Variants in RAD52 observed in about 807,000 individuals in gnomAD.
RAD52 encodes RAD52 DNA repair protein.
In RAD52, 47 loss-of-function variants were observed where a neutral mutation model predicts 55.5. The observed-to-expected ratio is 0.85, with a 90% CI of 0.67 to 1.08. The LOEUF is 1.08. RAD52 is among the 50% of genes least tolerant of loss of function. RAD52 has a pLI of 0.00. For synonymous variants in RAD52, 184 were observed against 198.9 expected (o/e 0.92, Z 0.63); for missense variants, 468 against 522.8 (o/e 0.90, Z 1.02).
chr12:953,852 CAT>C (rs1958568620), upstream of RAD52, among the ~76,000 whole-genome samples: 1 of 152,308 alleles, frequency 6.6e-6, no homozygotes, highest in Middle Eastern at 3.4e-3. Flanking sequence ...CATATTCCTA[CAT>C]GTTCCTTTAT....
At chr12:932,350 C>A (rs1272472072) in intron 2 of RAD52, among the ~76,000 whole-genome samples, 1 of 152,166 alleles carries the variant, frequency 6.6e-6, no homozygotes, top group Non-Finnish European at 1.5e-5. Flanking sequence ...TAAAAATTAG[C>A]TGGCCATGGT....
intron 1 of RAD52, among the ~76,000 whole-genome samples, chr12:937,428 T>A (rs1201660204): frequency 1.4e-5 from 2 of 145,868 alleles, no homozygotes; most frequent in African/African-American, 5.0e-5. Flanking sequence ...TCCCTTCAGC[T>A]TTTTTTTTTT....
At chr12:990,885 T>G (rs947591600), upstream of RAD52, among the ~76,000 whole-genome samples, 1 of 151,802 alleles carries the variant, frequency 6.6e-6, no homozygotes, top group Non-Finnish European at 1.5e-5. Context: ...AGCGCCACCC[T>G]GCGCTCGCGG....
chr12:962,627 G>GT (rs1555181549), intron 1 of RAD52, among the ~76,000 whole-genome samples: 2 of 151,944 alleles, frequency 1.3e-5, no homozygotes, highest in Non-Finnish European at 1.5e-5. Flanking sequence ...GATTACAGGC[G>GT]TGAGCCACTG....
intron 1 of RAD52, among the ~76,000 whole-genome samples, chr12:946,120 G>A (rs1281768328): frequency 6.6e-6 from 1 of 152,068 alleles, no homozygotes; most frequent in Non-Finnish European, 1.5e-5. Context: ...GAACTGCGGG[G>A]CCATACACTA....
intron 1 of RAD52, among the ~76,000 whole-genome samples, chr12:979,669 C>T (rs1214052954): frequency 6.6e-6 from 1 of 152,260 alleles, no homozygotes; most frequent in East Asian, 1.9e-4. Flanking sequence ...AAATTTCCAG[C>T]ACCTTGATCT....
At chr12:934,455 C>A in intron 1 of RAD52, among the ~76,000 whole-genome samples, 3 of 30,952 alleles carry the variant, frequency 9.7e-5, no homozygotes. Flanking sequence ...AGTGAGACTC[C>A]ATCTCAAAAA....
intron 1 of RAD52, among the ~76,000 whole-genome samples, chr12:945,583 G>A (rs1162869008): frequency 6.6e-6 from 1 of 150,962 alleles, no homozygotes; most frequent in Non-Finnish European, 1.5e-5. Context: ...ACAGGCATGC[G>A]CGACCACACC....
At chr12:966,989 T>C (rs555416115) in intron 1 of RAD52, among the ~76,000 whole-genome samples, 1 of 152,216 alleles carries the variant, frequency 6.6e-6, no homozygotes, top group East Asian at 1.9e-4. Context: ...AACTGAGTTC[T>C]GTGTGGGTGG....
chr12:971,829 G>A (rs1362206998), intron 1 of RAD52, among the ~76,000 whole-genome samples: 2 of 151,186 alleles, frequency 1.3e-5, no homozygotes, highest in East Asian at 1.9e-4. Context: ...CTCACTGCAG[G>A]CTCCGCCCCC....
At chr12:922,600 T>A (rs1016478830) in intron 7 of RAD52, among the ~76,000 whole-genome samples, 2 of 152,198 alleles carry the variant, frequency 1.3e-5, no homozygotes, top group African/African-American at 2.4e-5. Flanking sequence ...AAGGCATTAA[T>A]GCTAGCTAAG....
chr12:971,289 A>AT (rs967532845), intron 1 of RAD52, among the ~76,000 whole-genome samples: 15 of 148,040 alleles, frequency 1.0e-4, no homozygotes, highest in South Asian at 2.1e-4. Flanking sequence ...AGGGCATGGT[A>AT]TTTTTTTTTT....
intron 1 of RAD52, among the ~76,000 whole-genome samples, chr12:945,436 G>C (rs1178736042): frequency 6.6e-6 from 1 of 151,572 alleles, no homozygotes; most frequent in Non-Finnish European, 1.5e-5. Flanking sequence ...ACACTCTGAA[G>C]TATGTCTTTT....
intron 7 of RAD52, among the ~76,000 whole-genome samples, chr12:922,203 A>AC (rs1555170828): frequency 2.0e-5 from 3 of 146,624 alleles, no homozygotes; most frequent in Admixed American, 1.4e-4. Context: ...AAAAAAAAAA[A>AC]AAAAAAAAAA....
intron 1 of RAD52, among the ~76,000 whole-genome samples, chr12:960,436 C>CA (rs1282197270): frequency 2.0e-5 from 3 of 152,142 alleles, no homozygotes; most frequent in African/African-American, 7.2e-5. Flanking sequence ...GTAGGAAAGA[C>CA]AGAGGCAGGA....
At chr12:938,136 T>C (rs1162314341) in intron 1 of RAD52, among the ~76,000 whole-genome samples, 3 of 152,202 alleles carry the variant, frequency 2.0e-5, no homozygotes, top group African/African-American at 7.2e-5. Context: ...GCCTTTACAA[T>C]GTAGAAACCT....
intron 1 of RAD52, among the ~76,000 whole-genome samples, chr12:973,418 T>C (rs949289529): frequency 2.0e-5 from 3 of 151,972 alleles, no homozygotes; most frequent in Non-Finnish European, 4.4e-5. Flanking sequence ...TGGGTCAGTG[T>C]AGTAATGATA....
intron 1 of RAD52, among the ~76,000 whole-genome samples, chr12:960,123 C>G (rs1361793592): frequency 6.6e-6 from 1 of 152,084 alleles, no homozygotes; most frequent in Non-Finnish European, 1.5e-5. Context: ...AGGGCACTTT[C>G]GAGATTTCAA....
chr12:936,485 T>TAAA (rs71055107), intron 1 of RAD52, among the ~76,000 whole-genome samples: 316 of 134,348 alleles, frequency 2.4e-3, no homozygotes, highest in East Asian at 0.01. Flanking sequence ...ATTATAAAAG[T>TAAA]AAAAAAAAAA....
Sources: gnomAD v4.1 joint callset for allele counts (sites outside exome capture counted in the v4.1 genomes callset) on GRCh38, gnomAD v4.1.1 for gene constraint, MANE v1.5 for transcripts, NCBI Gene and HGNC (gene_info 2026-07-23, HGNC 2026-07-21) for gene names.